SGCG: variants seen among roughly 807,000 people sequenced by gnomAD.
SGCG encodes sarcoglycan gamma, also known as gamma-sarcoglycan.
A neutral mutation model predicts 29.3 loss-of-function variants in SGCG; 26 were observed. That is an observed-to-expected ratio of 0.89 (90% confidence interval 0.65 to 1.23). SGCG has a LOEUF of 1.23. Ranked by LOEUF, SGCG falls within the 50% of genes most tolerant of loss-of-function variation. The probability of loss-of-function intolerance (pLI) is 0.00; values close to 1 mark genes in which losing one functional copy is unlikely to be tolerated. For missense variants in SGCG, 353 were observed against 356.0 expected, an observed-to-expected ratio of 0.99 and a Z score of 0.07; for synonymous variants, 145 against 129.7, an observed-to-expected ratio of 1.12 and a Z score of -0.80.
intron 1 of SGCG, among the ~76,000 whole-genome samples, chr13:23,188,174 T>TA (rs1211973934): frequency 6.6e-6 from 1 of 152,134 alleles, no homozygotes; most frequent in Non-Finnish European, 1.5e-5. Context: ...AAGTGCAAGA[T>TA]ACAATAATTA....
chr13:23,234,393 A>G (rs1879228034), intron 2 of SGCG, among the ~76,000 whole-genome samples: 1 of 152,082 alleles, frequency 6.6e-6, no homozygotes, highest in Non-Finnish European at 1.5e-5. Flanking sequence ...GACTCTTGAA[A>G]TTTTATATAT....
upstream of SGCG, among the ~76,000 whole-genome samples, chr13:23,179,938 A>G (rs112299334): frequency 0.011 from 1,749 of 152,268 alleles, 14 homozygotes; most frequent in Middle Eastern, 0.024. Flanking sequence ...GATAAATTGC[A>G]TATCACCAGG....
At chr13:23,203,010 A>C (rs1486779200) in intron 1 of SGCG, among the ~76,000 whole-genome samples, 1 of 151,812 alleles carries the variant, frequency 6.6e-6, no homozygotes. Flanking sequence ...TCCAGACTGG[A>C]GTGCAGTGGC....
intron 4 of SGCG, among the ~76,000 whole-genome samples, chr13:23,274,946 A>AT (rs1452851680): frequency 6.6e-6 from 1 of 151,896 alleles, no homozygotes; most frequent in African/African-American, 2.4e-5. Context: ...TTGAAATTAG[A>AT]TTTTTTCAGT....
intron 5 of SGCG, among the ~76,000 whole-genome samples, chr13:23,285,617 T>C (rs970516648): frequency 6.6e-6 from 1 of 152,136 alleles, no homozygotes; most frequent in East Asian, 1.9e-4. Flanking sequence ...GGAGAATGAA[T>C]GGTTCTGTCT....
chr13:23,253,437 A>G (rs772261021), intron 4 of SGCG, among the ~76,000 whole-genome samples: 1 of 152,076 alleles, frequency 6.6e-6, no homozygotes, highest in African/African-American at 2.4e-5. Flanking sequence ...AGCTCACCAA[A>G]TCCAAGGTTT....
At chr13:23,284,545 A>T (rs1198114480) in intron 5 of SGCG, among the ~76,000 whole-genome samples, 3 of 152,160 alleles carry the variant, frequency 2.0e-5, no homozygotes, top group East Asian at 3.9e-4. Context: ...GCATTGGGTT[A>T]TAACATGCTC....
chr13:23,160,553 C>T, the SGCG span, among the ~76,000 whole-genome samples: 2 of 152,116 alleles, frequency 1.3e-5, no homozygotes, highest in African/African-American at 4.8e-5. Flanking sequence ...CAGAGGCCCG[C>T]GCTGTCTGGG....
rs1555236925 is a variant in SGCG, at chr13:23,224,681, C to CA, written c.196-9930_196-9929insA. The stretch of plus-strand genomic sequence containing the variant: ...GGGCACACATACACACACACACACA[C>CA]CCCACACCAGTGCAAGCACTGCTAA... On this transcript the variant is annotated intron_variant, in intron 2 of 7. Transcript: ENST00000218867. Among the ~76,000 whole-genome samples the CA allele has an allele frequency of 1.9e-3, 232 of 119,554 alleles. 1 individual carries two copies. The highest frequency in any genetic ancestry group is 3.4e-3 in the Non-Finnish European group (182 of 53,478). 78.4% of individuals were successfully genotyped at this position (119,554 alleles called of 152,430 possible).
intron 2 of SGCG, among the ~76,000 whole-genome samples, chr13:23,222,376 GTTTGT>G (rs59928725): frequency 0.77 from 117,200 of 151,922 alleles, 45,386 homozygotes; most frequent in East Asian, 0.92. Context: ...TTTTCTAAAA[GTTTGT>G]TTTATTTTTA....
At chr13:23,210,690 C>A (rs1001406904) in intron 2 of SGCG, among the ~76,000 whole-genome samples, 2 of 152,144 alleles carry the variant, frequency 1.3e-5, no homozygotes, top group South Asian at 4.1e-4. Context: ...GACCCCGTCT[C>A]AAAAAATAAA....
chr13:23,324,629 C>A lies in SGCG; in HGVS notation c.*88C>A. The stretch of plus-strand genomic sequence containing the variant: ...AGCTGCACATCGTGAAAGACTGAGG[C>A]AGCGTGGATGGGAAGTAAACGCTTC... On this transcript the variant is annotated 3_prime_UTR_variant, in exon 8 of 8. Coordinates refer to ENST00000218867, the MANE Select transcript of SGCG (RefSeq NM_000231.3). The A allele has an allele frequency of 8.3e-7, 1 of 1,205,038 alleles. No individual in the cohort carries two copies. The highest frequency in any genetic ancestry group is 1.2e-6 in the Non-Finnish European group (1 of 829,816). 74.6% of individuals were successfully genotyped at this position (1,205,038 alleles called of 1,614,324 possible).
chr13:23,242,009 T>C (rs181326068), intron 3 of SGCG, among the ~76,000 whole-genome samples: 57 of 152,234 alleles, frequency 3.7e-4, no homozygotes, highest in Admixed American at 6.5e-4. Context: ...AGAAGATCAA[T>C]AAAAATTGAT....
At chr13:23,248,046 G>C (rs907254806) in intron 3 of SGCG, among the ~76,000 whole-genome samples, 1 of 143,584 alleles carries the variant, frequency 7.0e-6, no homozygotes, top group African/African-American at 2.5e-5. Context: ...AGGCCAAAGC[G>C]GGTGGATCAC....
the SGCG span, among the ~76,000 whole-genome samples, chr13:23,160,980 G>T: frequency 6.6e-6 from 1 of 152,190 alleles, no homozygotes; most frequent in Non-Finnish European, 1.5e-5. Context: ...GCGTGTGTGT[G>T]GTGTGAGAGA....
intron 2 of SGCG, among the ~76,000 whole-genome samples, chr13:23,234,293 CAATT>C (rs1702267026): frequency 6.6e-6 from 1 of 152,074 alleles, no homozygotes; most frequent in South Asian, 2.1e-4. Context: ...CACCTCAAAA[CAATT>C]AATTTTATTG....
At chr13:23,236,213 A>G (rs1300471517) in intron 3 of SGCG, among the ~76,000 whole-genome samples, 1 of 152,176 alleles carries the variant, frequency 6.6e-6, no homozygotes, top group Non-Finnish European at 1.5e-5. Context: ...TAAAAGGGGA[A>G]GTCAGACATG....
intron 6 of SGCG, among the ~76,000 whole-genome samples, chr13:23,318,250 C>T (rs1224658962): frequency 1.3e-5 from 2 of 152,060 alleles, no homozygotes; most frequent in African/African-American, 4.8e-5. Context: ...TTATGTCCCT[C>T]TAGGGAACCC....
At chr13:23,231,207 T>G (rs1402264907) in intron 2 of SGCG, among the ~76,000 whole-genome samples, 2 of 152,222 alleles carry the variant, frequency 1.3e-5, no homozygotes, top group Non-Finnish European at 2.9e-5. Context: ...GTTGAAGATT[T>G]TTGCATCTGT....
Sources: allele counts gnomAD v4.1 joint callset (sites outside exome capture counted in the v4.1 genomes callset), GRCh38; gene constraint gnomAD v4.1.1; transcripts MANE v1.5; gene names NCBI Gene and HGNC (gene_info 2026-07-23, HGNC 2026-07-21).